The following RBMS1 variants were observed in gnomAD, a reference collection of about 807,000 sequenced individuals.
RBMS1 encodes RNA binding motif single stranded interacting protein 1, also known as RNA-binding motif, single-stranded-interacting protein 1.
A neutral mutation model predicts 62.3 loss-of-function variants in RBMS1; 17 were observed. That is an observed-to-expected ratio of 0.27 (90% confidence interval 0.19 to 0.41). RBMS1 has a LOEUF of 0.41. Among genes scored for constraint, RBMS1 ranks in the 10% least tolerant of loss-of-function variants. The pLI, the probability that RBMS1 is intolerant of heterozygous loss-of-function variation, is 1.00. For missense variants in RBMS1, 334 were observed against 504.5 expected (o/e 0.66, Z 3.24); for synonymous variants, 172 against 170.0 (o/e 1.01, Z -0.09).
intron 5 of RBMS1, 48 bp from the exon 6 acceptor site, chr2:160,300,778 C>T (rs1689167265): frequency 2.0e-6 from 3 of 1,477,250 alleles, no homozygotes; most frequent in South Asian, 2.9e-5. Context: ...GGTTTCTTAA[C>T]TTTCATCTTG....
At chr2:160,342,987 T>C (rs1110209) in intron 2 of RBMS1, among the ~76,000 whole-genome samples, 113,934 of 151,880 alleles carry the variant, frequency 0.75, 43,423 homozygotes, top group East Asian at 0.83. Context: ...TTATCTCCCA[T>C]GAACTGGAAT....
chr2:160,476,396 G>A (rs1176961134), intron 1 of RBMS1, among the ~76,000 whole-genome samples: 2 of 152,050 alleles, frequency 1.3e-5, no homozygotes, highest in Non-Finnish European at 2.9e-5. Context: ...ATTTGAAGCA[G>A]AAGCATTTCA....
intron 2 of RBMS1, among the ~76,000 whole-genome samples, chr2:160,339,394 A>G (rs1299801110): frequency 2.0e-5 from 3 of 152,182 alleles, no homozygotes; most frequent in African/African-American, 7.2e-5. Context: ...TTTGAAGTTT[A>G]TGGTAACAAT....
chr2:160,305,941 C>A (rs1486998511), intron 4 of RBMS1, among the ~76,000 whole-genome samples: 1 of 152,048 alleles, frequency 6.6e-6, no homozygotes, highest in African/African-American at 2.4e-5. Flanking sequence ...TTGAGACCAG[C>A]CTAGACAACA....
chr2:160,347,746 T>G (rs1230918353), intron 2 of RBMS1, among the ~76,000 whole-genome samples: 7 of 152,254 alleles, frequency 4.6e-5, no homozygotes, highest in African/African-American at 1.7e-4. Flanking sequence ...TTCATATATA[T>G]TATGATTCAT....
chr2:160,352,549 A>G (rs1692576549), intron 2 of RBMS1, among the ~76,000 whole-genome samples: 1 of 152,172 alleles, frequency 6.6e-6, no homozygotes, highest in South Asian at 2.1e-4. Flanking sequence ...CCACATCTAC[A>G]TTAAGTTGCT....
intron 4 of RBMS1, among the ~76,000 whole-genome samples, chr2:160,309,286 G>A (rs181982697): frequency 1.3e-5 from 2 of 152,260 alleles, no homozygotes; most frequent in African/African-American, 2.4e-5. Context: ...AAGAGAGGGC[G>A]ACCACTCAGG....
At chr2:160,321,288 C>CA (rs1690547506) in intron 2 of RBMS1, among the ~76,000 whole-genome samples, 1 of 152,150 alleles carries the variant, frequency 6.6e-6, no homozygotes, top group East Asian at 1.9e-4. Context: ...GGTACTCCCC[C>CA]ATCTCATTCC....
intron 1 of RBMS1, among the ~76,000 whole-genome samples, chr2:160,457,126 A>ATTT (rs1559575496): frequency 1.9e-4 from 28 of 151,034 alleles, no homozygotes; most frequent in South Asian, 6.3e-4. Context: ...TTATTTAATT[A>ATTT]ATTTATTTAT....
At chr2:160,339,784 A>C (rs1187925530) in intron 2 of RBMS1, among the ~76,000 whole-genome samples, 1 of 152,190 alleles carries the variant, frequency 6.6e-6, no homozygotes, top group Non-Finnish European at 1.5e-5. Context: ...AACCGTTATA[A>C]GCTACTGTGA....
chr2:160,460,769 T>C (rs1464943612), intron 1 of RBMS1, among the ~76,000 whole-genome samples: 1 of 152,240 alleles, frequency 6.6e-6, no homozygotes, highest in Admixed American at 6.5e-5. Flanking sequence ...TATAACCATA[T>C]TGAATGGCGA....
intron 1 of RBMS1, among the ~76,000 whole-genome samples, chr2:160,429,025 C>T (rs1030663537): frequency 1.3e-5 from 2 of 152,118 alleles, no homozygotes; most frequent in African/African-American, 4.8e-5. Flanking sequence ...TTATCTATTG[C>T]TTTCTATGTA....
chr2:160,328,026 G>A (rs918856482), intron 2 of RBMS1, among the ~76,000 whole-genome samples: 5 of 152,102 alleles, frequency 3.3e-5, no homozygotes, highest in Non-Finnish European at 7.4e-5. Context: ...TGAAACATAA[G>A]GAAGACAATG....
chr2:160,450,580 C>CAAAAAAAAAAAAAAAAAAAAA (rs796115120), intron 1 of RBMS1, among the ~76,000 whole-genome samples: 2 of 120,822 alleles, frequency 1.7e-5, no homozygotes, highest in Non-Finnish European at 3.3e-5. Context: ...AAAAAAAAAA[C>CAAAAAAAAAAAAAAAAAAAAA]AAAAAACATT....
intron 1 of RBMS1, among the ~76,000 whole-genome samples, chr2:160,424,375 G>A (rs1457080199): frequency 1.1e-4 from 15 of 131,688 alleles, no homozygotes; most frequent in Admixed American, 6.4e-4. Flanking sequence ...TGGGGGGGGG[G>A]GGAAACAAAA....
chr2:160,347,936 A>T (rs1228232396), intron 2 of RBMS1, among the ~76,000 whole-genome samples: 1 of 152,060 alleles, frequency 6.6e-6, no homozygotes, highest in Non-Finnish European at 1.5e-5. Flanking sequence ...TTGAGAAATG[A>T]GGCTAAAATA....
rs535698118 is a variant in RBMS1, at chr2:160,311,311, C to CT, written c.402+1844_402+1845insA. On this transcript the variant is annotated intron_variant, in intron 4 of 13. Transcript: ENST00000348849. ...GAGTTTAAGAAAATCTAAAGTAAGTCCAACTCAATGCAAAGTTTTAAAAAT... is the reference window on the plus strand; with the variant it reads ...GAGTTTAAGAAAATCTAAAGTAAGTCTCAACTCAATGCAAAGTTTTAAAAAT... Among the ~76,000 whole-genome samples, 906 of 146,136 alleles carry CT rather than the reference C, an allele frequency of 6.2e-3. 16 individuals carry two copies. The highest frequency in any genetic ancestry group is 0.02 in the African/African-American group (790 of 40,036).
intron 1 of RBMS1, among the ~76,000 whole-genome samples, chr2:160,401,192 C>T (rs1438148002): frequency 5.3e-5 from 8 of 152,244 alleles, no homozygotes; most frequent in Admixed American, 4.6e-4. Context: ...GATTGTATTG[C>T]ATATACAATT....
chr2:160,371,374 A>G (rs557719543), intron 1 of RBMS1, among the ~76,000 whole-genome samples: 3 of 152,252 alleles, frequency 2.0e-5, no homozygotes, highest in Admixed American at 6.5e-5. Context: ...GCTTGCAACT[A>G]TTTACACACA....
Sources: gnomAD v4.1 joint callset for allele counts (sites outside exome capture counted in the v4.1 genomes callset) on GRCh38, gnomAD v4.1.1 for gene constraint, MANE v1.5 for transcripts, NCBI Gene and HGNC (gene_info 2026-07-23, HGNC 2026-07-21) for gene names.